The following PTPRQ variants were observed in gnomAD, a reference collection of about 807,000 sequenced individuals.
PTPRQ encodes phosphatidylinositol phosphatase PTPRQ.
Under a neutral mutation model 246.0 loss-of-function variants are expected in PTPRQ, and 199 were observed. The ratio of observed to expected loss-of-function variants is 0.81; its 90% CI spans 0.72 to 0.91. The LOEUF (loss-of-function observed/expected upper bound fraction) is 0.91. PTPRQ is among the 40% of genes least tolerant of loss of function. The probability of loss-of-function intolerance (pLI) is 0.00; values close to 1 mark genes in which losing one functional copy is unlikely to be tolerated. For missense variants in PTPRQ, 2,624 were observed against 2,528.4 expected (o/e 1.04, Z -0.81); for synonymous variants, 869 against 853.2 (o/e 1.02, Z -0.32).
At chr12:80,578,396 A>T (rs1897333230) in intron 25 of PTPRQ, among the ~76,000 whole-genome samples, 2 of 151,154 alleles carry the variant, frequency 1.3e-5, no homozygotes, top group South Asian at 4.2e-4. Flanking sequence ...TTATTTATTT[A>T]TTTATTTTTT....
At position 80,540,583 on chromosome 12, in the gene PTPRQ, G is replaced by A. The variant is rs1267274815; in HGVS notation, c.3154+639G>A. Among the ~76,000 whole-genome samples, 3 of 152,120 alleles carry A rather than the reference G, an allele frequency of 2.0e-5. No homozygotes were observed. In the East Asian group the frequency reaches 5.8e-4, roughly 29 times the overall value. Reference sequence around the variant, plus strand: ...TTTTCAAAGATTAATCCCTTATTGAGAAGTGGCAGTGACCTAAACTTCTGG... The same window carrying A: ...TTTTCAAAGATTAATCCCTTATTGAAAAGTGGCAGTGACCTAAACTTCTGG... On this transcript the variant is annotated intron_variant, in intron 20 of 44. Coordinates refer to ENST00000644991, the MANE Select transcript of PTPRQ (RefSeq NM_001145026.2).
At chr12:80,601,437 T>G (rs907582925) in intron 26 of PTPRQ, among the ~76,000 whole-genome samples, 2 of 151,852 alleles carry the variant, frequency 1.3e-5, no homozygotes, top group African/African-American at 4.8e-5. Flanking sequence ...GAGCTTTTTG[T>G]CCTCTTAGTG....
chr12:80,505,985 T>C (rs965023780), intron 14 of PTPRQ, 39 bp from the exon 15 acceptor site: 8 of 1,514,504 alleles, frequency 5.3e-6, no homozygotes, highest in Non-Finnish European at 6.2e-6. Context: ...ATTTTTAGAA[T>C]GGAATTGTTT....
chr12:80,525,780 A>C (rs1268409589), intron 17 of PTPRQ: 1 of 151,934 alleles, frequency 6.6e-6, no homozygotes, highest in African/African-American at 2.4e-5. Flanking sequence ...CTCCCTCCCT[A>C]AATAATGTGG....
At chr12:80,503,174 G>A (rs1894855437) in intron 14 of PTPRQ, among the ~76,000 whole-genome samples, 1 of 151,816 alleles carries the variant, frequency 6.6e-6, no homozygotes. Context: ...ACCCAAGAGG[G>A]CTAAACTGTA....
chr12:80,463,120 A>G (rs151257824), intron 6 of PTPRQ, among the ~76,000 whole-genome samples: 6,525 of 152,266 alleles, frequency 0.043, 472 homozygotes, highest in African/African-American at 0.15. Context: ...AAACTTTGAA[A>G]AAAATGTAGA....
intron 30 of PTPRQ, among the ~76,000 whole-genome samples, chr12:80,618,291 A>T (rs1272084759): frequency 6.6e-6 from 1 of 151,024 alleles, no homozygotes; most frequent in African/African-American, 2.4e-5. Context: ...GAAGCTTTTT[A>T]AAAAAGATTC....
At chr12:80,445,986 A>G (rs1272664958) in intron 3 of PTPRQ, among the ~76,000 whole-genome samples, 1 of 151,924 alleles carries the variant, frequency 6.6e-6, no homozygotes, top group Admixed American at 6.6e-5. Flanking sequence ...ATGTATGAAT[A>G]TAATACAATA....
intron 14 of PTPRQ, among the ~76,000 whole-genome samples, chr12:80,497,131 G>C (rs1441983162): frequency 6.6e-6 from 1 of 151,898 alleles, no homozygotes; most frequent in East Asian, 1.9e-4. Context: ...GATGATTCAA[G>C]CACGTTACGT....
intron 39 of PTPRQ, among the ~76,000 whole-genome samples, chr12:80,664,167 C>A (rs1252497351): frequency 6.6e-6 from 1 of 151,892 alleles, no homozygotes; most frequent in Non-Finnish European, 1.5e-5. Context: ...AACTCATGGC[C>A]ACTAACCTCA....
chr12:80,505,032 A>G (rs1346284975), intron 14 of PTPRQ, among the ~76,000 whole-genome samples: 1 of 151,834 alleles, frequency 6.6e-6, no homozygotes, highest in Admixed American at 6.6e-5. Flanking sequence ...TTTCAGTATA[A>G]TAACCCTGGT....
chr12:80,502,585 T>C (rs1241451441), intron 14 of PTPRQ, among the ~76,000 whole-genome samples: 1 of 151,882 alleles, frequency 6.6e-6, no homozygotes, highest in African/African-American at 2.4e-5. Flanking sequence ...AAGGACCTGA[T>C]GGATATTGCT....
intron 28 of PTPRQ, among the ~76,000 whole-genome samples, chr12:80,612,126 A>G (rs1330264736): frequency 2.0e-5 from 3 of 150,390 alleles, no homozygotes; most frequent in East Asian, 3.9e-4. Flanking sequence ...TCATTCAATC[A>G]GTCACTTATA....
chr12:80,482,768 T>C (rs1288207094), intron 8 of PTPRQ, among the ~76,000 whole-genome samples: 5 of 150,760 alleles, frequency 3.3e-5, no homozygotes, highest in Non-Finnish European at 7.4e-5. Flanking sequence ...AAAAGACACA[T>C]GAAAAAATGC....
Position 80,445,515 on chromosome 12 carries a change from C to A in PTPRQ, c.188C>A (p.Ala63Asp), listed in dbSNP as rs911725794. 1.9e-6 allele frequency: 3 copies of A among 1,545,302 alleles called. No homozygotes were observed. The highest frequency in any genetic ancestry group is 1.4e-5 in the African/African-American group (1 of 72,770). Residue 63 changes from alanine (A) to aspartate (D), a missense_variant, in exon 3 of 45, where the codon GCC becomes GAC. Coordinates refer to ENST00000644991, the MANE Select transcript of PTPRQ (RefSeq NM_001145026.2). ...VTKPGPPVFL[A>D]GERVGSAGIL... ...GAACCAGGGCCTCCAGTCTTCCTAGCCGGGGAAAGAGTCGGATCTGCTGGG... is the reference window on the plus strand; with the variant it reads ...GAACCAGGGCCTCCAGTCTTCCTAGACGGGGAAAGAGTCGGATCTGCTGGG...
intron 35 of PTPRQ, among the ~76,000 whole-genome samples, chr12:80,642,885 A>C (rs1899920085): frequency 7.5e-6 from 1 of 133,438 alleles, no homozygotes; most frequent in South Asian, 2.6e-4. Flanking sequence ...CCGCCACTGC[A>C]CTCCAGCCTG....
chr12:80,661,776 CAT>C (rs1396021445), intron 39 of PTPRQ, among the ~76,000 whole-genome samples: 1 of 151,554 alleles, frequency 6.6e-6, no homozygotes, highest in East Asian at 1.9e-4. Context: ...TAAACTTTAA[CAT>C]AAAAAAATCT....
At chr12:80,571,003 G>C (rs1340450836) in intron 25 of PTPRQ, among the ~76,000 whole-genome samples, 2 of 152,148 alleles carry the variant, frequency 1.3e-5, no homozygotes, top group Non-Finnish European at 2.9e-5. Flanking sequence ...AATATAGTTT[G>C]AAGCCAGGTA....
chr12:80,523,009 G>A (rs563522628), intron 17 of PTPRQ, among the ~76,000 whole-genome samples: 1 of 152,026 alleles, frequency 6.6e-6, no homozygotes, highest in Non-Finnish European at 1.5e-5. Context: ...TTTTTTGGTT[G>A]GTAAGCTATT....
Sources: gnomAD v4.1 joint callset for allele counts (sites outside exome capture counted in the v4.1 genomes callset) on GRCh38, gnomAD v4.1.1 for gene constraint, MANE v1.5 for transcripts, NCBI Gene and HGNC (gene_info 2026-07-23, HGNC 2026-07-21) for gene names.